Variants in NWD2 observed in about 807,000 individuals in gnomAD.
NWD2 encodes the protein NACHT and WD repeat domain containing 2, also known as NACHT and WD repeat domain-containing protein 2.
A neutral mutation model predicts 132.7 loss-of-function variants in NWD2; 37 were observed. That is an observed-to-expected ratio of 0.28 (90% CI 0.21 to 0.37). The LOEUF (loss-of-function observed/expected upper bound fraction) is 0.37. Among genes scored for constraint, NWD2 ranks in the 10% least tolerant of loss-of-function variants. The probability of loss-of-function intolerance (pLI) is 1.00; values close to 1 mark genes in which losing one functional copy is unlikely to be tolerated. For synonymous variants in NWD2, 705 were observed against 803.0 expected (o/e 0.88, Z 2.06); for missense variants, 1,592 against 2,122.4 (o/e 0.75, Z 4.91).
intron 1 of NWD2, among the ~76,000 whole-genome samples, chr4:37,254,043 G>A (rs990925244): frequency 7.2e-5 from 11 of 152,286 alleles, no homozygotes; most frequent in East Asian, 3.9e-4. Context: ...ACACTGGGGC[G>A]TTTTGGAGGG....
intron 1 of NWD2, among the ~76,000 whole-genome samples, chr4:37,299,614 C>T (rs564764087): frequency 6.6e-6 from 1 of 152,126 alleles, no homozygotes; most frequent in South Asian, 2.1e-4. Context: ...GCAATCTTTC[C>T]TTTGATTCTT....
At chr4:37,422,541 C>T (rs1365260576) in intron 3 of NWD2, among the ~76,000 whole-genome samples, 1 of 152,138 alleles carries the variant, frequency 6.6e-6, no homozygotes, top group Non-Finnish European at 1.5e-5. Context: ...TTCTATCTGT[C>T]CAGCTGTGCC....
chr4:37,424,245 A>G (rs1168013277), intron 3 of NWD2, among the ~76,000 whole-genome samples: 2 of 152,212 alleles, frequency 1.3e-5, no homozygotes, highest in African/African-American at 4.8e-5. Flanking sequence ...TACTGCCTAC[A>G]AGAGCTATCA....
chr4:37,315,986 A>G (rs1718949005), intron 1 of NWD2, among the ~76,000 whole-genome samples: 1 of 151,984 alleles, frequency 6.6e-6, no homozygotes, highest in Admixed American at 6.6e-5. Flanking sequence ...TATTATTGTC[A>G]TATATGTATT....
At position 37,445,456 on chromosome 4, in the gene NWD2, A is replaced by T. The variant is rs1338088544; in HGVS notation, c.3468A>T (p.Glu1156Asp). 4 of 1,551,806 alleles carry T rather than the reference A, an allele frequency of 2.6e-6. No individual in the cohort carries two copies. The highest frequency in any genetic ancestry group is 3.5e-6 in the Non-Finnish European group (4 of 1,147,032). Residue 1156 changes from glutamate to aspartate, a missense_variant, in exon 7 of 7, where the codon GAA becomes GAT. Glu to Asp is a conservative substitution (Grantham distance 45, BLOSUM62 2). Transcript: ENST00000309447. The surrounding 1 kb of genome is among the most constrained non-coding windows in gnomAD (Gnocchi z 4.7). ...KFLLILDTAQEMVMVDSEGSL... is the reference protein window; with the variant it reads ...KFLLILDTAQDMVMVDSEGSL... ...TTCTTATCTTGGACACAGCTCAGGA[A>T]ATGGTCATGGTAGACAGTGAAGGAA...
At position 37,444,286 on chromosome 4, in the gene NWD2, T is replaced by C. The variant is rs912517889; in HGVS notation, c.2298T>C (p.Val766=). 2.6e-6 allele frequency: 4 copies of C among 1,551,668 alleles called. No individual in the cohort carries two copies. The highest frequency in any genetic ancestry group is 3.3e-4 in the Middle Eastern group (2 of 5,992). The change falls in exon 7 of 7, where the codon GTT becomes GTC. Residue 766 remains valine (V), a synonymous_variant. Transcript: ENST00000309447. This position sits in a 1 kb window ranked among gnomAD's most constrained non-coding sequence, Gnocchi z 4.8. ...TCTTAGCAGATTATTTTCTGGGGGT[T>C]TGGTCAGGGGGCAGGAGGAAAGCCT... is the stretch of plus-strand genomic sequence containing the variant. ...HTILADYFLG[V]WSGGRRKAFC...
rs897631614 is a variant in NWD2, at chr4:37,444,044, A to G, written c.2056A>G (p.Ser686Gly). The G allele has an allele frequency of 6.4e-7, 1 of 1,551,838 alleles. No individual in the cohort carries two copies. The highest frequency in any genetic ancestry group is 2.0e-5 in the Admixed American group (1 of 50,994). ...GGAGGATGTGTTAGCCCTAGACAAC[A>G]GTGTAATGAGTGAGCTCAAAGAAAA... ...ELEDVLALDNSVMSELKENTR... is the reference protein window; with the variant it reads ...ELEDVLALDNGVMSELKENTR... The change falls in exon 7 of 7, where the codon AGT becomes GGT. Residue 686 changes from serine to glycine, a missense_variant. Transcript: ENST00000309447. The surrounding 1 kb of genome is among the most constrained non-coding windows in gnomAD (Gnocchi z 4.8).
chr4:37,399,260 T>C (rs1184916533), intron 3 of NWD2, among the ~76,000 whole-genome samples: 2 of 152,214 alleles, frequency 1.3e-5, no homozygotes, highest in Non-Finnish European at 2.9e-5. Flanking sequence ...TTTCATTTCA[T>C]GGGTGGCTGA....
chr4:37,361,670 C>A (rs1221147899), intron 3 of NWD2, among the ~76,000 whole-genome samples: 2 of 152,072 alleles, frequency 1.3e-5, no homozygotes, highest in Admixed American at 1.3e-4. Context: ...AAGGAATATA[C>A]CTCAAAATAA....
chr4:37,346,774 T>G (rs1719646013), intron 2 of NWD2, among the ~76,000 whole-genome samples: 1 of 152,184 alleles, frequency 6.6e-6, no homozygotes, highest in African/African-American at 2.4e-5. Context: ...ATCTTATGAA[T>G]GAAAGTGTTT....
At chr4:37,311,363 T>C (rs1200893100) in intron 1 of NWD2, among the ~76,000 whole-genome samples, 1 of 152,088 alleles carries the variant, frequency 6.6e-6, no homozygotes, top group African/African-American at 2.4e-5. Flanking sequence ...GTGGTTTTGA[T>C]TTGCATTTCT....
chr4:37,381,045 C>T (rs1489252884), intron 3 of NWD2, among the ~76,000 whole-genome samples: 2 of 152,112 alleles, frequency 1.3e-5, no homozygotes, highest in Non-Finnish European at 2.9e-5. Context: ...ATCCTAATGT[C>T]GAGCAAAATA....
chr4:37,293,257 C>G (rs539154569), intron 1 of NWD2, among the ~76,000 whole-genome samples: 30 of 152,180 alleles, frequency 2.0e-4, no homozygotes, highest in Non-Finnish European at 4.4e-4. Context: ...TTTAGCATCA[C>G]GTGCTCTCCT....
intron 2 of NWD2, among the ~76,000 whole-genome samples, chr4:37,341,430 G>A (rs1358932043): frequency 6.6e-6 from 1 of 152,228 alleles, no homozygotes; most frequent in Non-Finnish European, 1.5e-5. Flanking sequence ...ATATGTGCAT[G>A]TGTAAATATA....
At chr4:37,429,559 A>AC (rs980545067) in intron 3 of NWD2, among the ~76,000 whole-genome samples, 2 of 151,484 alleles carry the variant, frequency 1.3e-5, no homozygotes, top group African/African-American at 4.9e-5. Flanking sequence ...CAAGTGATCC[A>AC]CCCGCCTCAG....
intron 4 of NWD2, among the ~76,000 whole-genome samples, chr4:37,431,939 T>C (rs1712190172): frequency 6.6e-6 from 1 of 152,054 alleles, no homozygotes; most frequent in African/African-American, 2.4e-5. Context: ...AATAATTTAA[T>C]GAAATAATTT....
At position 37,435,259 on chromosome 4, in the gene NWD2, T is replaced by C. The variant is rs536941289; in HGVS notation, c.706+1239T>C. Among the ~76,000 whole-genome samples the C allele has an allele frequency of 2.7e-4, 41 of 152,338 alleles. No individual in the cohort carries two copies. The East Asian group carries it at 7.5e-3, about 28-fold the overall frequency. On this transcript the variant is annotated intron_variant, in intron 5 of 6. Coordinates refer to ENST00000309447, the MANE Select transcript of NWD2 (RefSeq NM_001144990.2). ...AAACTATAATAGCTGCGTTTTCAGA[T>C]TGGTTTTGAAATGGTGCGGCAAAGC...
At chr4:37,245,434 T>G (rs992203527) in intron 1 of NWD2, among the ~76,000 whole-genome samples, 2 of 152,110 alleles carry the variant, frequency 1.3e-5, no homozygotes, top group Non-Finnish European at 2.9e-5. Context: ...AGGACACCCA[T>G]TCTCCACCCC....
At position 37,364,625 on chromosome 4, in the gene NWD2, A is replaced by AGAAT. The variant is rs549189003; in HGVS notation, c.357+8145_357+8148dup. 4.8e-3 allele frequency among the ~76,000 whole-genome samples: 727 copies of AGAAT among 152,162 alleles called. 1 individual carries two copies. Among genetic ancestry groups the AGAAT allele is most frequent in the African/African-American group, 0.017 (699 of 41,490 alleles). ...GAGTAAAGAAGCAGCAGAGACCAAA[A>AGAAT]GAATGGGCATATCACCATTGTTGCT... is the stretch of plus-strand genomic sequence containing the variant. On this transcript the variant is annotated intron_variant, in intron 3 of 6. Transcript: ENST00000309447.
Sources: gnomAD v4.1 joint callset for allele counts (sites outside exome capture counted in the v4.1 genomes callset) on GRCh38, gnomAD v4.1.1 for gene constraint, Gnocchi (gnomAD v3.1) non-coding constraint, MANE v1.5 for transcripts, NCBI Gene and HGNC (gene_info 2026-07-23, HGNC 2026-07-21) for gene names.